CEP170: variants seen among roughly 807,000 people sequenced by gnomAD.
The protein encoded by CEP170 is centrosomal protein of 170 kDa.
In CEP170, 21 loss-of-function variants were observed where a neutral mutation model predicts 151.9. The observed-to-expected ratio is 0.14, with a 90% CI of 0.10 to 0.20. The LOEUF is 0.20. Among genes scored for constraint, CEP170 ranks in the 10% least tolerant of loss-of-function variants. The pLI, the probability that CEP170 is intolerant of heterozygous loss-of-function variation, is 1.00. For synonymous variants in CEP170, 356 were observed against 648.8 expected (o/e 0.55, Z 6.86); for missense variants, 964 against 1,892.9 (o/e 0.51, Z 9.11).
chr1:243,171,898 T>A (rs906383299), intron 11 of CEP170, among the ~76,000 whole-genome samples: 6 of 152,254 alleles, frequency 3.9e-5, no homozygotes, highest in African/African-American at 9.6e-5. Flanking sequence ...TTTCTAGCTC[T>A]ACTATGCATA....
At chr1:243,190,747 T>C (rs1466676447) in intron 8 of CEP170, among the ~76,000 whole-genome samples, 1 of 152,194 alleles carries the variant, frequency 6.6e-6, no homozygotes, top group Non-Finnish European at 1.5e-5. Flanking sequence ...ATAAATCTTA[T>C]ATTTCTAGAA....
intron 3 of CEP170, among the ~76,000 whole-genome samples, chr1:243,216,646 C>A (rs916228307): frequency 6.6e-6 from 1 of 151,910 alleles, no homozygotes; most frequent in Non-Finnish European, 1.5e-5. Context: ...TTTAAGTCTA[C>A]AAAAGAAATC....
At chr1:243,207,302 A>G (rs918607821) in intron 4 of CEP170, among the ~76,000 whole-genome samples, 8 of 152,222 alleles carry the variant, frequency 5.3e-5, no homozygotes, top group African/African-American at 1.9e-4. Flanking sequence ...AAAGCAGGTC[A>G]TTGCATAATG....
chr1:243,190,181 A>G (rs1218762520), intron 8 of CEP170, among the ~76,000 whole-genome samples: 1 of 152,218 alleles, frequency 6.6e-6, no homozygotes, highest in Non-Finnish European at 1.5e-5. Flanking sequence ...AAAAACTCCT[A>G]ATATAGTAAC....
chr1:243,178,910 G>A (rs969249432), intron 10 of CEP170, among the ~76,000 whole-genome samples: 1 of 152,002 alleles, frequency 6.6e-6, no homozygotes, highest in Non-Finnish European at 1.5e-5. Flanking sequence ...AGTAGAGAGG[G>A]GGTTTCACCG....
At chr1:243,236,255 A>G (rs1210242809) in intron 1 of CEP170, among the ~76,000 whole-genome samples, 2 of 152,222 alleles carry the variant, frequency 1.3e-5, no homozygotes, top group Non-Finnish European at 2.9e-5. Context: ...TCAGCTACCA[A>G]ATATGGGGCT....
In CEP170 at chr1:243,193,667, A is replaced by G. The variant is rs556682576; in HGVS notation, c.632-2173T>C. Among the ~76,000 whole-genome samples the G allele has an allele frequency of 5.9e-5, 9 of 152,186 alleles. No individual in the cohort carries two copies. The East Asian group carries it at 1.4e-3, about 23-fold the overall frequency. On this transcript the variant is annotated intron_variant, in intron 7 of 19. Transcript: ENST00000366542. The stretch of plus-strand genomic sequence containing the variant: ...ACAAGTTAATAACTAATTCATCTAG[A>G]AATCAAGTACCTAACCAGGTCAAGT...
rs1301179585 is a variant in CEP170, at chr1:243,194,370, GAT to G, written c.632-2878_632-2877del. 2.6e-5 allele frequency among the ~76,000 whole-genome samples: 4 copies of G among 151,794 alleles called. No homozygotes were observed. In the South Asian group the frequency reaches 8.3e-4, roughly 32 times the overall value. On this transcript the variant is annotated intron_variant, in intron 7 of 19. Transcript: ENST00000366542. ...TTATATCAATATTGCTATTGCTATTGATATATATAATAGTAATACTGATATTG... is the reference window on the plus strand; with the variant it reads ...TTATATCAATATTGCTATTGCTATTGATATATAATAGTAATACTGATATTG...
intron 1 of CEP170, among the ~76,000 whole-genome samples, chr1:243,238,846 T>C (rs2064510972): frequency 6.6e-6 from 1 of 152,216 alleles, no homozygotes; most frequent in Non-Finnish European, 1.5e-5. Flanking sequence ...AATCTAATGA[T>C]CTCTAGTATT....
intron 16 of CEP170, among the ~76,000 whole-genome samples, chr1:243,137,606 C>T (rs1040738475): frequency 5.9e-5 from 9 of 151,908 alleles, no homozygotes. Context: ...GAAACCCCAT[C>T]TCTACTAAAA....
chr1:243,155,772 T>C (rs866612911), intron 14 of CEP170, among the ~76,000 whole-genome samples: 5 of 152,246 alleles, frequency 3.3e-5, no homozygotes, highest in Non-Finnish European at 5.9e-5. Flanking sequence ...AATGAGCTCA[T>C]AAAGTATGAG....
At position 243,126,579 on chromosome 1, in the gene CEP170, C is replaced by G. The variant is rs757113593; in HGVS notation, c.4625G>C (p.Arg1542Thr). ...QTPTLGQPEA[R>T]ALHPAAVSAA... ...TGAAACAGCAGCAGGATGAAGAGCC[C>G]TAGCTTCTGGTTGGCCAAGTGTTGG... Residue 1542 changes from arginine (R) to threonine (T), a missense_variant, in exon 20 of 20, where the codon AGG becomes ACG. By Grantham distance (71) the Arg-to-Thr change is moderately conservative. Coordinates refer to ENST00000366542, the MANE Select transcript of CEP170 (RefSeq NM_014812.3). The G allele has an allele frequency of 2.5e-6, 4 of 1,575,106 alleles. No individual in the cohort carries two copies. The highest frequency in any genetic ancestry group is 1.7e-6 in the Non-Finnish European group (2 of 1,159,112).
chr1:243,209,956 G>A (rs1174550351), intron 4 of CEP170, among the ~76,000 whole-genome samples: 1 of 152,088 alleles, frequency 6.6e-6, no homozygotes, highest in Non-Finnish European at 1.5e-5. Context: ...GCCTCCCCAC[G>A]TGCTGGGATT....
chr1:243,170,565 G>A (rs1558493436), intron 11 of CEP170, among the ~76,000 whole-genome samples: 1 of 152,212 alleles, frequency 6.6e-6, no homozygotes, highest in East Asian at 1.9e-4. Context: ...AGACCAAGGC[G>A]GGTGGATCAC....
rs780624443 is a variant in CEP170, at chr1:243,165,707, T to C, written c.2253A>G (p.Gln751=). 6 of 1,614,082 alleles carry C rather than the reference T, an allele frequency of 3.7e-6. No homozygotes were observed. Among genetic ancestry groups the C allele is most frequent in the Middle Eastern group, 1.6e-4 (1 of 6,062 alleles). ...TCCACTGAGCCTCCTCCCTTTGTTC[T>C]TGTTGTTGAAGTTTTGCTAATGTTT... The part of the protein sequence containing the change: ...VKQTLAKLQQ[Q]EQREEAQWTP... Residue 751 remains glutamine (Q), a synonymous_variant, in exon 13 of 20, where the codon CAA becomes CAG. Transcript: ENST00000366542.
Position 243,165,176 on chromosome 1 carries a change from A to G in CEP170, c.2784T>C (p.Ser928=). ...TATCTACATCAGATTCTGGTGAAAT[A>G]GAATTGTCTCTATTATAACTGGGAG... ...PDTPSYNRDN[S]ISPESDVDTA... is the part of the protein sequence containing the mutation. Residue 928 remains serine, a synonymous_variant, in exon 13 of 20, where the codon TCT becomes TCC. Coordinates refer to ENST00000366542, the MANE Select transcript of CEP170 (RefSeq NM_014812.3). 1 of 1,613,724 alleles carries G rather than the reference A, an allele frequency of 6.2e-7. No homozygotes were observed. Among genetic ancestry groups the G allele is most frequent in the Non-Finnish European group, 8.5e-7 (1 of 1,179,704 alleles).
rs372991011 is a variant in CEP170 at position 243,220,523 on chromosome 1, C to A, written c.195+1201G>T. Among the ~76,000 whole-genome samples the A allele has an allele frequency of 4.6e-5, 7 of 152,070 alleles. No homozygotes were observed. The South Asian group carries it at 1.5e-3, about 32-fold the overall frequency. On this transcript the variant is annotated intron_variant, in intron 3 of 19. Coordinates refer to ENST00000366542, the MANE Select transcript of CEP170 (RefSeq NM_014812.3). ...TATCTCAAAGAATAAATATAAAAGTCCTTCAGTAGCAGGCCAATTCAGAAT... is the reference window on the plus strand; with the variant it reads ...TATCTCAAAGAATAAATATAAAAGTACTTCAGTAGCAGGCCAATTCAGAAT...
chr1:243,145,446 G>A (rs968649623), intron 14 of CEP170, among the ~76,000 whole-genome samples: 43 of 152,080 alleles, frequency 2.8e-4, no homozygotes, highest in African/African-American at 1.0e-3. Flanking sequence ...GGCTAATTTT[G>A]GTATTTTTAG....
intron 1 of CEP170, among the ~76,000 whole-genome samples, chr1:243,254,177 T>C (rs1239879306): frequency 7.0e-6 from 1 of 141,968 alleles, no homozygotes; most frequent in Non-Finnish European, 1.5e-5. Context: ...CTGTCTTCCT[T>C]ACATTCCTCA....
Sources: gnomAD v4.1 joint callset for allele counts (sites outside exome capture counted in the v4.1 genomes callset) on GRCh38, gnomAD v4.1.1 for gene constraint, MANE v1.5 for transcripts, NCBI Gene and HGNC (gene_info 2026-07-23, HGNC 2026-07-21) for gene names.